CYTH3: variants seen among roughly 807,000 people sequenced by gnomAD.
CYTH3 encodes cytohesin-3.
CYTH3 carries 23 observed loss-of-function variants against 55.1 expected under a neutral mutation model. The ratio of observed to expected loss-of-function variants is 0.42; its 90% CI spans 0.30 to 0.59. CYTH3 has a LOEUF of 0.59. Ranked by LOEUF, CYTH3 falls within the 20% of genes least tolerant of loss-of-function variation. The pLI, the probability that CYTH3 is intolerant of heterozygous loss-of-function variation, is 0.20. For missense variants in CYTH3, 413 were observed against 524.8 expected (o/e 0.79, Z 2.08); for synonymous variants, 249 against 194.9 (o/e 1.28, Z -2.31).
At position 6,215,764 on chromosome 7, in the gene CYTH3, A is replaced by G. The variant is rs536875524; in HGVS notation, c.35-25233T>C. On this transcript the variant is annotated intron_variant, in intron 1 of 12. Coordinates refer to ENST00000350796, the MANE Select transcript of CYTH3 (RefSeq NM_004227.4). ...AGACCTATGCCAAGACACATGATAC[A>G]CATTCTTCTGAAAGAGAAAAATGTT... 5.9e-5 allele frequency among the ~76,000 whole-genome samples: 9 copies of G among 152,320 alleles called. No individual in the cohort carries two copies. In the South Asian group the frequency reaches 1.0e-3, roughly 18 times the overall value.
chr7:6,174,880 G>T (rs1305584490), intron 5 of CYTH3, among the ~76,000 whole-genome samples: 1 of 152,180 alleles, frequency 6.6e-6, no homozygotes, highest in African/African-American at 2.4e-5. Flanking sequence ...TCTCCTTGAT[G>T]ATCAATTGAG....
At chr7:6,189,910 C>A (rs1231025229) in intron 2 of CYTH3, among the ~76,000 whole-genome samples, 1 of 151,966 alleles carries the variant, frequency 6.6e-6, no homozygotes, top group African/African-American at 2.4e-5. Flanking sequence ...GTGGTGGGTG[C>A]CTGTAATCTC....
At chr7:6,259,757 T>TTATA (rs374899666) in intron 1 of CYTH3, among the ~76,000 whole-genome samples, 5 of 37,462 alleles carry the variant, frequency 1.3e-4, no homozygotes, top group Non-Finnish European at 1.9e-4. Context: ...TATATATATA[T>TTATA]TATATATATA....
At chr7:6,228,157 ATTCCCT>A (rs773035689) in intron 1 of CYTH3, among the ~76,000 whole-genome samples, 2 of 152,230 alleles carry the variant, frequency 1.3e-5, no homozygotes, top group Non-Finnish European at 2.9e-5. Context: ...TTGATTCTCT[ATTCCCT>A]TTCATTACCT....
intron 1 of CYTH3, among the ~76,000 whole-genome samples, chr7:6,204,863 A>G (rs1784148108): frequency 6.6e-6 from 1 of 152,222 alleles, no homozygotes; most frequent in Non-Finnish European, 1.5e-5. Flanking sequence ...TTAAAAATCA[A>G]TTGCAAAACA....
chr7:6,228,437 T>C (rs1188981046), intron 1 of CYTH3, among the ~76,000 whole-genome samples: 2 of 152,096 alleles, frequency 1.3e-5, no homozygotes, highest in Non-Finnish European at 2.9e-5. Context: ...GGGGAGGGGT[T>C]GGAAAGAAGT....
At chr7:6,245,372 T>C (rs1779782827) in intron 1 of CYTH3, among the ~76,000 whole-genome samples, 1 of 151,954 alleles carries the variant, frequency 6.6e-6, no homozygotes, top group African/African-American at 2.4e-5. Flanking sequence ...AATTAGAGAG[T>C]TTCAGGCCCC....
At chr7:6,237,769 A>G (rs1005637583) in intron 1 of CYTH3, among the ~76,000 whole-genome samples, 5 of 152,196 alleles carry the variant, frequency 3.3e-5, no homozygotes, top group African/African-American at 1.2e-4. Context: ...ATTATTGCCA[A>G]TTAGAAGGTT....
intron 1 of CYTH3, among the ~76,000 whole-genome samples, chr7:6,221,563 T>C (rs940708286): frequency 2.6e-5 from 4 of 152,178 alleles, no homozygotes; most frequent in Admixed American, 6.5e-5. Flanking sequence ...CATACCAATG[T>C]CAGCTTCCTG....
At chr7:6,232,434 G>A (rs771411123) in intron 1 of CYTH3, among the ~76,000 whole-genome samples, 22 of 152,188 alleles carry the variant, frequency 1.4e-4, no homozygotes, top group Middle Eastern at 6.8e-3. Flanking sequence ...TAAGGCTATC[G>A]TGACAGGTGG....
chr7:6,238,514 T>C (rs1779585842), intron 1 of CYTH3, among the ~76,000 whole-genome samples: 1 of 152,138 alleles, frequency 6.6e-6, no homozygotes, highest in Non-Finnish European at 1.5e-5. Context: ...ATAATGTCAA[T>C]AACCTATACA....
chr7:6,219,276 T>C (rs1784493901), intron 1 of CYTH3, among the ~76,000 whole-genome samples: 1 of 152,214 alleles, frequency 6.6e-6, no homozygotes, highest in Admixed American at 6.5e-5. Flanking sequence ...GGATATTTAA[T>C]TGAGGCATTT....
intron 1 of CYTH3, among the ~76,000 whole-genome samples, chr7:6,217,150 T>A (rs754544499): frequency 2.0e-5 from 3 of 152,160 alleles, no homozygotes; most frequent in Non-Finnish European, 2.9e-5. Context: ...TAACCTCAGG[T>A]GATCCCACCA....
intron 1 of CYTH3, among the ~76,000 whole-genome samples, chr7:6,234,256 T>C (rs541890341): frequency 6.6e-6 from 1 of 152,052 alleles, no homozygotes; most frequent in Non-Finnish European, 1.5e-5. Flanking sequence ...AGTTCTGGAG[T>C]GGCCCTCTCT....
At chr7:6,207,145 A>G (rs933955854) in intron 1 of CYTH3, among the ~76,000 whole-genome samples, 4 of 117,458 alleles carry the variant, frequency 3.4e-5, no homozygotes, top group Non-Finnish European at 4.8e-5. Context: ...CCCAGGCTGG[A>G]GTGCAGTGGC....
At chr7:6,205,139 T>C (rs1027408538) in intron 1 of CYTH3, among the ~76,000 whole-genome samples, 1 of 152,052 alleles carries the variant, frequency 6.6e-6, no homozygotes, top group African/African-American at 2.4e-5. Flanking sequence ...CACTCCAGCC[T>C]GGGTGACAAA....
In CYTH3 at chr7:6,238,383, A is replaced by G. The variant is rs576896159; in HGVS notation, c.34+34091T>C. Reference sequence around the variant, plus strand: ...CTAAAAAGAACAAAAGGACAGAGAAATAAGTATTGAAAGATTAAAGAAATG... The same window carrying G: ...CTAAAAAGAACAAAAGGACAGAGAAGTAAGTATTGAAAGATTAAAGAAATG... On this transcript the variant is annotated intron_variant, in intron 1 of 12. Transcript: ENST00000350796. Among the ~76,000 whole-genome samples the G allele has an allele frequency of 2.6e-5, 4 of 152,380 alleles. No individual in the cohort carries two copies. The South Asian group carries it at 8.3e-4, about 32-fold the overall frequency.
At chr7:6,225,077 TA>T (rs1383859953) in intron 1 of CYTH3, among the ~76,000 whole-genome samples, 1 of 152,124 alleles carries the variant, frequency 6.6e-6, no homozygotes, top group East Asian at 1.9e-4. Context: ...AGGGATCTGT[TA>T]GGGGTGAAGA....
chr7:6,249,773 T>A (rs961643775), intron 1 of CYTH3, among the ~76,000 whole-genome samples: 1 of 152,208 alleles, frequency 6.6e-6, no homozygotes, highest in African/African-American at 2.4e-5. Context: ...AAGGTGTACA[T>A]CTCGATGTCT....
Sources: gnomAD v4.1 joint callset for allele counts (sites outside exome capture counted in the v4.1 genomes callset) on GRCh38, gnomAD v4.1.1 for gene constraint, MANE v1.5 for transcripts, NCBI Gene and HGNC (gene_info 2026-07-23, HGNC 2026-07-21) for gene names.